The following CCDC102B variants were observed in gnomAD, a reference collection of about 807,000 sequenced individuals.
The protein encoded by CCDC102B is coiled-coil domain containing 102B.
A neutral mutation model predicts 57.4 loss-of-function variants in CCDC102B; 75 were observed. The ratio of observed to expected loss-of-function variants is 1.31; its 90% CI spans 1.08 to 1.58. The LOEUF (loss-of-function observed/expected upper bound fraction) is 1.58. Ranked by LOEUF, CCDC102B falls within the 40% of genes most tolerant of loss-of-function variation. The pLI is 0.00. For synonymous variants in CCDC102B, 206 were observed against 201.9 expected, an observed-to-expected ratio of 1.02 and a Z score of -0.17; for missense variants, 636 against 582.6, an observed-to-expected ratio of 1.09 and a Z score of -0.94.
At chr18:68,827,195 A>G (rs2036940184) in intron 1 of CCDC102B, among the ~76,000 whole-genome samples, 1 of 152,170 alleles carries the variant, frequency 6.6e-6, no homozygotes, top group African/African-American at 2.4e-5. Context: ...ATAAACAGAA[A>G]CAAAATGATA....
chr18:68,736,767 C>A (rs573760973), intron 2 of CCDC102B, among the ~76,000 whole-genome samples: 1 of 152,198 alleles, frequency 6.6e-6, no homozygotes, highest in South Asian at 2.1e-4. Flanking sequence ...AGACCGACCC[C>A]CATGATTCAA....
At chr18:68,843,300 G>C (rs957226729) in intron 3 of CCDC102B, among the ~76,000 whole-genome samples, 15 of 151,928 alleles carry the variant, frequency 9.9e-5, no homozygotes, top group African/African-American at 3.6e-4. Context: ...CATTTGATTT[G>C]GTAAGAACAT....
intron 7 of CCDC102B, among the ~76,000 whole-genome samples, chr18:69,037,001 G>GTGTA (rs1555676004): frequency 6.6e-6 from 1 of 151,446 alleles, no homozygotes; most frequent in Non-Finnish European, 1.5e-5. Flanking sequence ...TTGTGTATGT[G>GTGTA]TATATATATG....
chr18:68,887,342 A>G (rs1385607976), intron 5 of CCDC102B, among the ~76,000 whole-genome samples: 2 of 152,162 alleles, frequency 1.3e-5, no homozygotes, highest in Admixed American at 1.3e-4. Flanking sequence ...AATTTTCCCT[A>G]TAAATGATTT....
intron 3 of CCDC102B, among the ~76,000 whole-genome samples, chr18:68,843,980 T>A (rs1011434582): frequency 1.3e-5 from 2 of 151,792 alleles, no homozygotes; most frequent in African/African-American, 2.4e-5. Flanking sequence ...TAAAAAAAAA[T>A]TTAAGTATCC....
intron 1 of CCDC102B, among the ~76,000 whole-genome samples, chr18:68,808,700 G>A (rs970514099): frequency 4.6e-5 from 7 of 151,910 alleles, no homozygotes; most frequent in African/African-American, 9.7e-5. Context: ...GGATGGTCTC[G>A]ATCTCCTGAC....
Position 68,853,672 on chromosome 18 carries a change from T to TAAAAAAAAAAAAAAA in CCDC102B, c.936+7267_936+7281dup, listed in dbSNP as rs71175201. Among the ~76,000 whole-genome samples, 214 of 94,624 alleles carry TAAAAAAAAAAAAAAA rather than the reference T, an allele frequency of 2.3e-3. 24 individuals are homozygous for TAAAAAAAAAAAAAAA. Among genetic ancestry groups the TAAAAAAAAAAAAAAA allele is most frequent in the African/African-American group, 6.2e-3 (132 of 21,324 alleles). 62.1% of individuals were successfully genotyped at this position (94,624 alleles called of 152,430 possible). A position where few individuals can be genotyped will look rare whatever the true frequency, so the allele number is the denominator to read the frequency against. ...CGAATTTTTCTTTATCCCCAAATTG[T>TAAAAAAAAAAAAAAA]AAAAAAAAAAAAAAAAAAAAAAAAA... On this transcript the variant is annotated intron_variant, in intron 4 of 7. Coordinates refer to ENST00000360242, the MANE Select transcript of CCDC102B (RefSeq NM_024781.3).
intron 6 of CCDC102B, among the ~76,000 whole-genome samples, chr18:68,997,627 A>T (rs904516553): frequency 6.6e-5 from 10 of 151,896 alleles, no homozygotes; most frequent in African/African-American, 2.4e-4. Flanking sequence ...TTTTTTCAGA[A>T]CATTTTTCTG....
chr18:68,962,898 C>T (rs184387678), intron 6 of CCDC102B, among the ~76,000 whole-genome samples: 5 of 152,032 alleles, frequency 3.3e-5, no homozygotes, highest in East Asian at 1.9e-4. Context: ...ATGCATTTCA[C>T]GACTCCTTCT....
At chr18:68,773,796 G>T (rs1177123210) in intron 2 of CCDC102B, among the ~76,000 whole-genome samples, 1 of 151,550 alleles carries the variant, frequency 6.6e-6, no homozygotes, top group Non-Finnish European at 1.5e-5. Flanking sequence ...ATATTTGGGT[G>T]GCAAAACACC....
chr18:68,782,838 A>G (rs2035051660), intron 2 of CCDC102B, among the ~76,000 whole-genome samples: 1 of 152,338 alleles, frequency 6.6e-6, no homozygotes, highest in East Asian at 1.9e-4. Flanking sequence ...TAAAAGGCAA[A>G]GGCCATATTT....
intron 1 of CCDC102B, among the ~76,000 whole-genome samples, chr18:68,804,616 G>A (rs2035969281): frequency 6.6e-6 from 1 of 152,044 alleles, no homozygotes; most frequent in Non-Finnish European, 1.5e-5. Flanking sequence ...GCCAAGAAAG[G>A]GAATGATGAA....
chr18:69,043,617 A>G (rs539939867), intron 7 of CCDC102B, among the ~76,000 whole-genome samples: 12 of 152,088 alleles, frequency 7.9e-5, no homozygotes, highest in Admixed American at 3.3e-4. Flanking sequence ...AACAAAGCAC[A>G]TCTTGCACCG....
At chr18:68,899,442 T>TAC (rs1042263392) in intron 6 of CCDC102B, among the ~76,000 whole-genome samples, 10 of 151,990 alleles carry the variant, frequency 6.6e-5, no homozygotes, top group African/African-American at 2.2e-4. Flanking sequence ...TATATATATA[T>TAC]ACACACACCA....
At chr18:68,807,593 C>A (rs1161198969) in intron 1 of CCDC102B, among the ~76,000 whole-genome samples, 4 of 152,092 alleles carry the variant, frequency 2.6e-5, no homozygotes, top group African/African-American at 7.2e-5. Flanking sequence ...TTGCACATGG[C>A]GTCCATTTTC....
At chr18:68,853,225 T>A (rs1289201278) in intron 4 of CCDC102B, among the ~76,000 whole-genome samples, 1 of 152,204 alleles carries the variant, frequency 6.6e-6, no homozygotes, top group African/African-American at 2.4e-5. Context: ...GAAATGTACT[T>A]GATAATGCAC....
intron 6 of CCDC102B, among the ~76,000 whole-genome samples, chr18:68,966,038 G>C (rs902836811): frequency 3.3e-5 from 5 of 152,118 alleles, no homozygotes; most frequent in Non-Finnish European, 4.4e-5. Flanking sequence ...GGTCGAGGTA[G>C]GTTTATTGTC....
chr18:69,044,204 TAA>T (rs1274615269), intron 7 of CCDC102B, among the ~76,000 whole-genome samples: 1 of 152,168 alleles, frequency 6.6e-6, no homozygotes, highest in East Asian at 1.9e-4. Context: ...GAATAGAGGT[TAA>T]GAGTTTGAGG....
intron 6 of CCDC102B, among the ~76,000 whole-genome samples, chr18:68,976,831 A>T (rs1378500138): frequency 1.3e-5 from 2 of 151,874 alleles, no homozygotes; most frequent in Non-Finnish European, 2.9e-5. Context: ...TTATATTGGC[A>T]GGAGACTTTC....
Sources: allele counts gnomAD v4.1 joint callset (sites outside exome capture counted in the v4.1 genomes callset), GRCh38; gene constraint gnomAD v4.1.1; transcripts MANE v1.5; gene names NCBI Gene and HGNC (gene_info 2026-07-23, HGNC 2026-07-21).